ANKRD35: variants seen among roughly 807,000 people sequenced by gnomAD.
ANKRD35 encodes ankyrin repeat domain 35, also known as ankyrin repeat domain-containing protein 35.
Under a neutral mutation model 109.9 loss-of-function variants are expected in ANKRD35, and 102 were observed. The ratio of observed to expected loss-of-function variants is 0.93; its 90% confidence interval spans 0.79 to 1.09. The LOEUF is 1.09. ANKRD35 is among the 50% of genes least tolerant of loss of function. The probability of loss-of-function intolerance (pLI) is 0.00; values close to 1 mark genes in which losing one functional copy is unlikely to be tolerated. For synonymous variants in ANKRD35, 515 were observed against 512.4 expected, an observed-to-expected ratio of 1.01 and a Z score of -0.07; for missense variants, 1,240 against 1,230.1, an observed-to-expected ratio of 1.01 and a Z score of -0.12.
intron 4 of ANKRD35, among the ~76,000 whole-genome samples, chr1:145,877,135 G>A (rs189101237): frequency 2.7e-4 from 41 of 152,210 alleles, no homozygotes; most frequent in Non-Finnish European, 4.3e-4. Context: ...CAATGTCCCC[G>A]TGGCTGGTAC....
intron 1 of ANKRD35, among the ~76,000 whole-genome samples, chr1:145,884,769 C>T (rs1654418592): frequency 6.6e-6 from 1 of 151,994 alleles, no homozygotes; most frequent in South Asian, 2.1e-4. Flanking sequence ...CATTCCTAAG[C>T]AACTGGGCAA....
intron 8 of ANKRD35, among the ~76,000 whole-genome samples, chr1:145,874,581 C>T (rs587699925): frequency 4.6e-5 from 7 of 152,298 alleles, no homozygotes; most frequent in South Asian, 2.1e-4. Flanking sequence ...AACTCACAAA[C>T]GCCAGAAACA....
At chr1:145,879,932 T>C (rs1654226247) in intron 1 of ANKRD35, among the ~76,000 whole-genome samples, 1 of 152,206 alleles carries the variant, frequency 6.6e-6, no homozygotes, top group South Asian at 2.1e-4. Context: ...ATTCCACCTC[T>C]TTTCATTGGC....
At chr1:145,869,790 C>T (rs369026441) in intron 10 of ANKRD35, among the ~76,000 whole-genome samples, 1 of 152,052 alleles carries the variant, frequency 6.6e-6, no homozygotes, top group Non-Finnish European at 1.5e-5. Context: ...TTATAATCTA[C>T]GTTTTGTAGA....
chr1:145,873,142 G>A lies in ANKRD35; in HGVS notation c.1627C>T (p.Arg543Trp), dbSNP rs782233086. The change falls in exon 10 of 14, where the codon CGG (arginine) becomes TGG (tryptophan). Residue 543 changes from arginine (R) to tryptophan (W), a missense_variant. Transcript: ENST00000355594. ...GCCCATTCCAGCCTTGCCAGCACCC[G>A]CTCCAGTCGGGCTTCCATCTTCTCC... Reference protein sequence around the residue: ...AWEKMEARLERVLARLEWAKA... With the variant: ...AWEKMEARLEWVLARLEWAKA... 9.9e-6 allele frequency: 16 copies of A among 1,613,904 alleles called. No homozygotes were observed. The East Asian group carries it at 1.8e-4, about 18-fold the overall frequency.
intron 1 of ANKRD35, among the ~76,000 whole-genome samples, chr1:145,879,953 A>G (rs1350304997): frequency 6.6e-6 from 1 of 152,176 alleles, no homozygotes; most frequent in Non-Finnish European, 1.5e-5. Flanking sequence ...TTTGGGCCCC[A>G]CAGTTAAAAG....
chr1:145,868,497 C>A, intron 10 of ANKRD35, 97 bp from the exon 11 acceptor site: 1 of 954,548 alleles, frequency 1.0e-6, no homozygotes. Flanking sequence ...TTAATATGTG[C>A]CAATTTTATA....
Position 145,879,371 on chromosome 1 carries a change from G to A in ANKRD35, c.57C>T (p.Arg19=), listed in dbSNP as rs1407832231. 1 of 1,587,956 alleles carries A rather than the reference G, an allele frequency of 6.3e-7. No individual in the cohort carries two copies. The highest frequency in any genetic ancestry group is 8.6e-7 in the Non-Finnish European group (1 of 1,166,568). The stretch of plus-strand genomic sequence containing the variant: ...CTGCCTCCAGCAGCTTCTGATCATG[G>A]CGGTTCCATCTCTCCACCTGGTCCA... The part of the protein sequence containing the change: ...STQVAVERWN[R]HDQKLLEAVH... The change falls in exon 2 of 14, where the codon CGC becomes CGT. Residue 19 remains arginine (R), a synonymous_variant. Coordinates refer to ENST00000355594, the MANE Select transcript of ANKRD35 (RefSeq NM_144698.5).
At chr1:145,874,622 C>G (rs1406132473) in intron 8 of ANKRD35, among the ~76,000 whole-genome samples, 200 bp downstream of exon 8, 6 of 152,148 alleles carry the variant, frequency 3.9e-5, no homozygotes, top group African/African-American at 1.4e-4. Context: ...CAGTGAGAGA[C>G]CAGGCTGCAT....
chr1:145,874,735 A>G (rs1653993999), intron 8 of ANKRD35, 87 bp downstream of exon 8: 1 of 1,410,902 alleles, frequency 7.1e-7, no homozygotes, highest in African/African-American at 1.5e-5. Flanking sequence ...ATTATTTGTC[A>G]GATAGATTAC....
chr1:145,883,123 T>C (rs1196319592), intron 1 of ANKRD35, among the ~76,000 whole-genome samples: 2 of 146,594 alleles, frequency 1.4e-5, no homozygotes, highest in African/African-American at 5.1e-5. Flanking sequence ...TTGCTCTTGT[T>C]GCCCAGGCTG....
intron 1 of ANKRD35, among the ~76,000 whole-genome samples, chr1:145,884,702 C>G (rs1031411063): frequency 2.7e-5 from 4 of 148,664 alleles, no homozygotes; most frequent in Admixed American, 1.4e-4. Flanking sequence ...TGAGTCTGCT[C>G]TATCCTCTTC....
At chr1:145,868,506 T>C (rs1553738089) in intron 10 of ANKRD35, 106 bp from the exon 11 acceptor site, 1 of 886,806 alleles carries the variant, frequency 1.1e-6, no homozygotes, top group African/African-American at 1.7e-5. Flanking sequence ...GCCAATTTTA[T>C]ACAAATTGTC....
At chr1:145,878,790 CAGAA>C (rs1654183202) in intron 2 of ANKRD35, among the ~76,000 whole-genome samples, 2 of 152,314 alleles carry the variant, frequency 1.3e-5, no homozygotes, top group South Asian at 2.1e-4. Flanking sequence ...GGAAGTGTCA[CAGAA>C]AGAGTCAGCC....
At chr1:145,875,533 G>C (rs587598608) in intron 7 of ANKRD35, among the ~76,000 whole-genome samples, 6 of 151,794 alleles carry the variant, frequency 4.0e-5, no homozygotes, top group Admixed American at 2.6e-4. Context: ...TATCTGCTCT[G>C]TATATCAAGG....
At position 145,872,263 on chromosome 1, in the gene ANKRD35, C is replaced by A; in HGVS notation, c.2506G>T (p.Glu836Ter). The A allele has an allele frequency of 6.2e-7, 1 of 1,611,764 alleles. No homozygotes were observed. ...AREAASLRQH[E>*]KTRGSLVAQA... Reference sequence around the variant, plus strand: ...GCCACCAGCGAACCCCGAGTTTTCTCGTGTTGCCGTAGGCTGGCTGCCTCC... The same window carrying A: ...GCCACCAGCGAACCCCGAGTTTTCTAGTGTTGCCGTAGGCTGGCTGCCTCC... The change falls in exon 10 of 14, where the codon GAG becomes TAG. Residue 836 changes from glutamate (E) to a stop codon, truncating the protein, a stop_gained. Coordinates refer to ENST00000355594, the MANE Select transcript of ANKRD35 (RefSeq NM_144698.5). LOFTEE classifies it high-confidence loss of function.
In ANKRD35 at chr1:145,868,377, C is replaced by T. The variant is rs1553738071; in HGVS notation, c.2811G>A (p.Leu937=). Reference sequence around the variant, plus strand: ...CTAGAACCTCTTCTGAAAGCTGCTCCAGCTTCTTCAACAACTCCTTGATCT... The same window carrying T: ...CTAGAACCTCTTCTGAAAGCTGCTCTAGCTTCTTCAACAACTCCTTGATCT... ...EAKIKELLKK[L]EQLSEEVLAI... Residue 937 remains leucine, a synonymous_variant, in exon 11 of 14, where the codon CTG becomes CTA. Transcript: ENST00000355594. The T allele has an allele frequency of 1.2e-6, 2 of 1,614,094 alleles. No individual in the cohort carries two copies.
rs781961496 is a variant in ANKRD35, at chr1:145,882,462, A to ATTTTTTTTTTTTTTTTTT, written c.40-3075_40-3074insAAAAAAAAAAAAAAAAAA. On this transcript the variant is annotated intron_variant, in intron 1 of 13. Coordinates refer to ENST00000355594, the MANE Select transcript of ANKRD35 (RefSeq NM_144698.5). ...AGGCATGCTCTACCACACCCAGGTA[A>ATTTTTTTTTTTTTTTTTT]TTTTTTTTTTTAGAGATGAGGTATC... Among the ~76,000 whole-genome samples the ATTTTTTTTTTTTTTTTTT allele has an allele frequency of 5.8e-4, 82 of 140,264 alleles. 1 individual carries two copies. The highest frequency in any genetic ancestry group is 2.2e-3 in the African/African-American group (80 of 36,934). 92.0% of individuals were successfully genotyped at this position (140,264 alleles called of 152,430 possible).
At position 145,867,324 on chromosome 1, in the gene ANKRD35, G is replaced by C; in HGVS notation, c.*6C>G. The C allele has an allele frequency of 5.0e-6, 8 of 1,613,410 alleles. No homozygotes were observed. Among genetic ancestry groups the C allele is most frequent in the Non-Finnish European group, 5.9e-6 (7 of 1,179,522 alleles). On this transcript the variant is annotated 3_prime_UTR_variant, in exon 13 of 14. Transcript: ENST00000355594. The stretch of plus-strand genomic sequence containing the variant: ...CGTATCCCTGAGGGCACACAGTGAG[G>C]CTGCCTCACTCCTCTTCCATGCTAA...
Sources: allele counts gnomAD v4.1 joint callset (sites outside exome capture counted in the v4.1 genomes callset), GRCh38; gene constraint gnomAD v4.1.1; transcripts MANE v1.5; gene names NCBI Gene and HGNC (gene_info 2026-07-23, HGNC 2026-07-21).